The following SMURF1 variants were observed in gnomAD, a reference collection of about 807,000 sequenced individuals.
SMURF1 encodes the protein E3 ubiquitin-protein ligase SMURF1.
A neutral mutation model predicts 98.0 loss-of-function variants in SMURF1; 44 were observed. The observed-to-expected ratio is 0.45, with a 90% CI of 0.35 to 0.58. SMURF1 has a LOEUF of 0.58. Among genes scored for constraint, SMURF1 ranks in the 20% least tolerant of loss-of-function variants. The pLI, the probability that SMURF1 is intolerant of heterozygous loss-of-function variation, is 0.00. For synonymous variants in SMURF1, 396 were observed against 374.9 expected (o/e 1.06, Z -0.65); for missense variants, 687 against 938.4 (o/e 0.73, Z 3.50).
At position 99,035,569 on chromosome 7, in the gene SMURF1, G is replaced by T; in HGVS notation, c.1957C>A (p.Gln653Lys). 1 of 1,614,228 alleles carries T rather than the reference G, an allele frequency of 6.2e-7. No individual in the cohort carries two copies. The change falls in exon 16 of 18, where the codon CAG becomes AAG. Residue 653 changes from glutamine (Q) to lysine (K), a missense_variant. Gln to Lys is a moderately conservative substitution (Grantham distance 53). Around this residue, in one of 2 missense-constraint regions of SMURF1, gnomAD observed 272 missense variants for 430.0 expected, o/e 0.63. Transcript: ENST00000361368. ...ACTCGCGTGGACCCAGTCACAAACT[G>T]CAGGAGCCTGGCCCTCCTTTCTTCA... Reference protein sequence around the residue: ...FDEERRARLLQFVTGSTRVPL... With the variant: ...FDEERRARLLKFVTGSTRVPL...
chr7:99,030,750 G>C, intron 17 of SMURF1, 67 bp from the exon 18 acceptor site: 1 of 1,243,526 alleles, frequency 8.0e-7, no homozygotes. Context: ...CAAGGCCAAG[G>C]ACAGGCAGTG....
chr7:99,045,123 A>G (rs1365757268), intron 11 of SMURF1, among the ~76,000 whole-genome samples: 1 of 152,116 alleles, frequency 6.6e-6, no homozygotes, highest in Non-Finnish European at 1.5e-5. Flanking sequence ...TGGGCAACAG[A>G]GCAAGACCCC....
intron 5 of SMURF1, among the ~76,000 whole-genome samples, chr7:99,055,781 A>G (rs745836093): frequency 2.6e-5 from 4 of 152,170 alleles, no homozygotes; most frequent in Admixed American, 1.3e-4. Context: ...TCTGGCCAAC[A>G]TGGCAAAACC....
chr7:99,073,765 CA>C (rs764379109), intron 1 of SMURF1, among the ~76,000 whole-genome samples: 1,706 of 102,072 alleles, frequency 0.017, 23 homozygotes, highest in African/African-American at 0.049. Context: ...GATTCCATCT[CA>C]AAAAAAAAAA....
chr7:99,058,944 C>A (rs1334079039), intron 3 of SMURF1, among the ~76,000 whole-genome samples: 3 of 152,028 alleles, frequency 2.0e-5, no homozygotes, highest in Non-Finnish European at 2.9e-5. Context: ...ATTAGCCAGG[C>A]ATGGTGGCGG....
At chr7:99,099,605 G>A (rs938505605) in intron 1 of SMURF1, among the ~76,000 whole-genome samples, 5 of 152,104 alleles carry the variant, frequency 3.3e-5, no homozygotes, top group Non-Finnish European at 5.9e-5. Context: ...CTGTGGCAGC[G>A]GTGGGAGGTG....
chr7:99,061,498 G>A (rs916339022), intron 2 of SMURF1, among the ~76,000 whole-genome samples: 2 of 152,204 alleles, frequency 1.3e-5, no homozygotes, highest in African/African-American at 4.8e-5. Context: ...TATTAGAGCT[G>A]AGAATACATC....
intron 11 of SMURF1, among the ~76,000 whole-genome samples, chr7:99,044,627 G>A (rs1000123996): frequency 6.6e-6 from 1 of 152,100 alleles, no homozygotes; most frequent in Non-Finnish European, 1.5e-5. Flanking sequence ...CAAATGAGAG[G>A]TCCAGAGATC....
At position 99,033,148 on chromosome 7, in the gene SMURF1, T is replaced by G. The variant is rs773544988; in HGVS notation, c.2012-27A>C. On this transcript the variant is annotated intron_variant, in intron 16 of 17. Transcript: ENST00000361368. ...TTACAAGACAACATTCTAGTTAATG[T>G]ACTTCAGAGTTACAGCCGTGGCGCT... The G allele has an allele frequency of 1.1e-5, 17 of 1,554,266 alleles. 1 individual carries two copies. In the South Asian group the frequency reaches 1.9e-4, roughly 17 times the overall value.
At chr7:99,108,645 A>G (rs1236007152) in intron 1 of SMURF1, among the ~76,000 whole-genome samples, 1 of 150,254 alleles carries the variant, frequency 6.7e-6, no homozygotes, top group African/African-American at 2.4e-5. Context: ...AGAAAGAAAG[A>G]AAGAAAAAAA....
chr7:99,108,729 A>G (rs1797256193), intron 1 of SMURF1, among the ~76,000 whole-genome samples: 1 of 152,050 alleles, frequency 6.6e-6, no homozygotes, highest in Non-Finnish European at 1.5e-5. Context: ...TTCCATCACT[A>G]GACACACAGC....
At chr7:99,049,735 G>C (rs1361073793) in intron 8 of SMURF1, 26 bp from the exon 9 acceptor site, 1 of 1,607,310 alleles carries the variant, frequency 6.2e-7, no homozygotes, top group South Asian at 1.1e-5. Flanking sequence ...ATACAGAGAG[G>C]TTTGTCCAAC....
At chr7:99,143,229 C>T (rs1798175627) in intron 1 of SMURF1, among the ~76,000 whole-genome samples, 1 of 106,488 alleles carries the variant, frequency 9.4e-6, no homozygotes, top group South Asian at 3.2e-4. Context: ...AGAGAAAGGA[C>T]CACAGGGATG....
intron 1 of SMURF1, among the ~76,000 whole-genome samples, chr7:99,086,582 C>A (rs1796685824): frequency 6.6e-6 from 1 of 152,088 alleles, no homozygotes; most frequent in Admixed American, 6.5e-5. Context: ...AGAAAAGTGA[C>A]AACATATGGT....
At chr7:99,121,886 C>T (rs1797635059) in intron 1 of SMURF1, among the ~76,000 whole-genome samples, 1 of 152,212 alleles carries the variant, frequency 6.6e-6, no homozygotes, top group African/African-American at 2.4e-5. Context: ...GAGCTGCCAA[C>T]AGGACTCTCT....
chr7:99,091,325 T>G (rs1796806039), intron 1 of SMURF1, among the ~76,000 whole-genome samples: 1 of 152,188 alleles, frequency 6.6e-6, no homozygotes, highest in South Asian at 2.1e-4. Flanking sequence ...TTGAACCAGA[T>G]GTAAGAAATA....
intron 1 of SMURF1, among the ~76,000 whole-genome samples, chr7:99,139,482 T>A (rs902843902): frequency 1.3e-5 from 2 of 152,234 alleles, no homozygotes; most frequent in African/African-American, 4.8e-5. Flanking sequence ...GACATTACAA[T>A]AAAATTTAAT....
chr7:99,105,500 T>A (rs1428596647), intron 1 of SMURF1, among the ~76,000 whole-genome samples: 4 of 152,224 alleles, frequency 2.6e-5, no homozygotes, highest in Non-Finnish European at 5.9e-5. Context: ...CCTTTTCATG[T>A]TAATCTTCTA....
chr7:99,075,880 G>T (rs1193209864), intron 1 of SMURF1, among the ~76,000 whole-genome samples: 3 of 152,050 alleles, frequency 2.0e-5, no homozygotes, highest in Non-Finnish European at 4.4e-5. Context: ...GTTGACATGG[G>T]TCTATATTTG....
Sources: allele counts gnomAD v4.1 joint callset (sites outside exome capture counted in the v4.1 genomes callset), GRCh38; gene constraint gnomAD v4.1.1; regional missense constraint gnomAD v4.1.1; transcripts MANE v1.5; gene names NCBI Gene and HGNC (gene_info 2026-07-23, HGNC 2026-07-21).